The following FRMD8 variants were observed in gnomAD, a reference collection of about 807,000 sequenced individuals.
The protein encoded by FRMD8 is FERM domain containing 8, also known as FERM domain-containing protein 8.
A neutral mutation model predicts 54.2 loss-of-function variants in FRMD8; 37 were observed. The ratio of observed to expected loss-of-function variants is 0.68; its 90% CI spans 0.53 to 0.90. The LOEUF is 0.90. Ranked by LOEUF, FRMD8 falls within the 40% of genes least tolerant of loss-of-function variation. The pLI, the probability that FRMD8 is intolerant of heterozygous loss-of-function variation, is 0.00. For synonymous variants in FRMD8, 246 were observed against 286.9 expected, an observed-to-expected ratio of 0.86 and a Z score of 1.44; for missense variants, 585 against 653.7, an observed-to-expected ratio of 0.89 and a Z score of 1.15.
chr11:65,391,665 C>T (rs1239643610), intron 3 of FRMD8, among the ~76,000 whole-genome samples: 1 of 152,058 alleles, frequency 6.6e-6, no homozygotes, highest in African/African-American at 2.4e-5. Context: ...CAAGCGACAC[C>T]ACGCCTGGCT....
At chr11:65,405,199 C>T in intron 10 of FRMD8, 131 bp downstream of exon 10, 1 of 858,956 alleles carries the variant, frequency 1.2e-6, no homozygotes, top group Admixed American at 2.2e-5. Flanking sequence ...TCTCAGGACA[C>T]AGCTGTGAGC....
chr11:65,405,737 C>T (rs1856182095), intron 10 of FRMD8, among the ~76,000 whole-genome samples: 1 of 152,138 alleles, frequency 6.6e-6, no homozygotes, highest in Non-Finnish European at 1.5e-5. Context: ...CAGTGTCTCA[C>T]ACCTGTAATC....
At chr11:65,411,184 G>C (rs909512939) in intron 10 of FRMD8, 58 bp from the exon 11 acceptor site, 29 of 1,419,688 alleles carry the variant, frequency 2.0e-5, no homozygotes, top group Admixed American at 1.4e-4. Context: ...TCCTGGGCCT[G>C]AGCCCCCTCA....
the FRMD8 span, among the ~76,000 whole-genome samples, chr11:65,374,743 G>C: frequency 1.3e-5 from 2 of 152,178 alleles, no homozygotes; most frequent in Non-Finnish European, 2.9e-5. Flanking sequence ...CAAGGTGGGA[G>C]GGCTATCTGT....
chr11:65,391,170 T>G (rs1855838506), intron 3 of FRMD8, among the ~76,000 whole-genome samples: 1 of 152,248 alleles, frequency 6.6e-6, no homozygotes, highest in Non-Finnish European at 1.5e-5. Context: ...TCAATGTCGT[T>G]GTCACTCTGC....
chr11:65,377,718 A>T, the FRMD8 span: 1 of 152,608 alleles, frequency 6.6e-6, no homozygotes, highest in East Asian at 1.9e-4. Flanking sequence ...CAGATTTGGG[A>T]TGGAATTGGG....
At chr11:65,392,638 T>C (rs1355952776) in intron 3 of FRMD8, among the ~76,000 whole-genome samples, 1 of 152,126 alleles carries the variant, frequency 6.6e-6, no homozygotes, top group Non-Finnish European at 1.5e-5. Flanking sequence ...TTTGAGGGGC[T>C]GGACTGCTGC....
the FRMD8 span, chr11:65,379,437 C>G: frequency 1.2e-5 from 20 of 1,613,724 alleles, no homozygotes; most frequent in Middle Eastern, 3.3e-4. Context: ...CGGCTGGGCC[C>G]GCCGCTCCTG....
upstream of FRMD8, chr11:65,383,484 G>C (rs1195075683): frequency 6.6e-6 from 1 of 152,424 alleles, no homozygotes; most frequent in East Asian, 1.9e-4. Context: ...CAGGCCAGGC[G>C]CAGTGGCTCA....
rs1049558306 is a variant in FRMD8 at position 65,413,510 on chromosome 11, A to G, written c.*2150A>G. 7.9e-5 allele frequency: 12 copies of G among 152,224 alleles called. No individual in the cohort carries two copies. Among genetic ancestry groups the G allele is most frequent in the African/African-American group, 2.9e-4 (12 of 41,466 alleles). 9.4% of individuals were successfully genotyped at this position (152,224 alleles called of 1,614,324 possible). A position where few individuals can be genotyped will look rare whatever the true frequency, so the allele number is the denominator to read the frequency against. On this transcript the variant is annotated 3_prime_UTR_variant, in exon 11 of 11. Transcript: ENST00000317568. Reference sequence around the variant, plus strand: ...CTTTTGTATCATGTGACTTATTAAAATCAGTTTCTAACAAACTCTGGGGCA... The same window carrying G: ...CTTTTGTATCATGTGACTTATTAAAGTCAGTTTCTAACAAACTCTGGGGCA...
At chr11:65,377,216 G>A in the FRMD8 span, 28 of 1,441,194 alleles carry the variant, frequency 1.9e-5, no homozygotes, top group Admixed American at 8.5e-5. Context: ...AGCCTCTCAC[G>A]TGCATGTGTG....
chr11:65,382,026 C>T (rs1855593722), upstream of FRMD8: 2 of 1,272,420 alleles, frequency 1.6e-6, no homozygotes, highest in Non-Finnish European at 2.3e-6. The surrounding 1 kb of genome is among the most constrained non-coding windows in gnomAD (Gnocchi z 4.4). Context: ...TCCCCTGGCC[C>T]ACGCTGATAA....
rs1350830261 is a variant in FRMD8, at chr11:65,412,444, C to T, written c.*1084C>T. 4 of 152,272 alleles carry T rather than the reference C, an allele frequency of 2.6e-5. No homozygotes were observed. Among genetic ancestry groups the T allele is most frequent in the Admixed American group, 6.5e-5 (1 of 15,290 alleles). 9.4% of individuals were successfully genotyped at this position (152,272 alleles called of 1,614,324 possible). A position where few individuals can be genotyped will look rare whatever the true frequency, so the allele number is the denominator to read the frequency against. On this transcript the variant is annotated 3_prime_UTR_variant, in exon 11 of 11. Coordinates refer to ENST00000317568, the MANE Select transcript of FRMD8 (RefSeq NM_031904.5). ...CCACACGGGACACTCTCTTCTTTAT[C>T]GAGGACACTTGGAAAGGTGACTGAT... is the stretch of plus-strand genomic sequence containing the variant.
chr11:65,402,942 G>T (rs781450029), intron 9 of FRMD8, among the ~76,000 whole-genome samples: 1 of 151,584 alleles, frequency 6.6e-6, no homozygotes, highest in Non-Finnish European at 1.5e-5. Context: ...CTCTGTCACC[G>T]AGGCTGGGGT....
At chr11:65,406,531 T>C (rs1234715207) in intron 10 of FRMD8, among the ~76,000 whole-genome samples, 1 of 148,986 alleles carries the variant, frequency 6.7e-6, no homozygotes, top group Non-Finnish European at 1.5e-5. Context: ...GGTTTCACCG[T>C]GTTAGCCAGG....
upstream of FRMD8, among the ~76,000 whole-genome samples, chr11:65,385,829 C>T (rs913401677): frequency 4.0e-5 from 6 of 151,882 alleles, no homozygotes; most frequent in Admixed American, 6.6e-5. Flanking sequence ...CGGAGTCTCG[C>T]CGTCGCCCAG....
chr11:65,389,242 C>A, intron 2 of FRMD8, 119 bp from the exon 3 acceptor site: 1 of 949,156 alleles, frequency 1.1e-6, no homozygotes, highest in Non-Finnish European at 1.6e-6. Flanking sequence ...GCCCTGGTCA[C>A]CCCTGAGGGG....
At chr11:65,399,893 T>C in intron 8 of FRMD8, 34 bp downstream of exon 8, 1 of 1,591,054 alleles carries the variant, frequency 6.3e-7, no homozygotes, top group Non-Finnish European at 8.6e-7. Flanking sequence ...GTGGAGAGGA[T>C]GGGAGGGGGC....
Position 65,400,652 on chromosome 11 carries a change from C to CG in FRMD8, c.928-72_928-71insG. On this transcript the variant is annotated intron_variant, in intron 8 of 10. Coordinates refer to ENST00000317568, the MANE Select transcript of FRMD8 (RefSeq NM_031904.5). This position sits in a 1 kb window ranked among gnomAD's most constrained non-coding sequence, Gnocchi z 4.3. ...AGAGGCACACACCCTGGCCAGGTGT[C>CG]TGAGTGGGATGGGGTGGGGAGCAGA... The CG allele has an allele frequency of 7.0e-7, 1 of 1,432,228 alleles. No individual in the cohort carries two copies. 88.7% of individuals were successfully genotyped at this position (1,432,228 alleles called of 1,614,324 possible).
Sources: gnomAD v4.1 joint callset for allele counts (sites outside exome capture counted in the v4.1 genomes callset) on GRCh38, gnomAD v4.1.1 for gene constraint, Gnocchi (gnomAD v3.1) non-coding constraint, MANE v1.5 for transcripts, NCBI Gene and HGNC (gene_info 2026-07-23, HGNC 2026-07-21) for gene names.